The following MACROD2 variants were observed in gnomAD, a reference collection of about 807,000 sequenced individuals.
MACROD2 encodes the protein mono-ADP ribosylhydrolase 2.
Under a neutral mutation model 70.4 loss-of-function variants are expected in MACROD2, and 36 were observed. The ratio of observed to expected loss-of-function variants is 0.51; its 90% confidence interval spans 0.39 to 0.68. The LOEUF is 0.68. MACROD2 is among the 30% of genes least tolerant of loss of function. MACROD2 has a pLI of 0.00. For missense variants in MACROD2, 496 were observed against 538.4 expected, an observed-to-expected ratio of 0.92 and a Z score of 0.78; for synonymous variants, 172 against 178.8, an observed-to-expected ratio of 0.96 and a Z score of 0.30.
At chr20:14,550,613 C>T (rs573007264) in intron 4 of MACROD2, among the ~76,000 whole-genome samples, 5 of 152,274 alleles carry the variant, frequency 3.3e-5, no homozygotes, top group Admixed American at 6.5e-5. Flanking sequence ...ATTTCCCCCT[C>T]CTACTAAATA....
At chr20:14,352,873 T>G (rs776311471) in intron 3 of MACROD2, among the ~76,000 whole-genome samples, 3 of 152,132 alleles carry the variant, frequency 2.0e-5, no homozygotes, top group Non-Finnish European at 2.9e-5. Flanking sequence ...ATTTGAATAT[T>G]TTTGCTTTAG....
chr20:14,321,066 C>T (rs1026845028), intron 3 of MACROD2, among the ~76,000 whole-genome samples: 2 of 151,980 alleles, frequency 1.3e-5, no homozygotes, highest in African/African-American at 4.8e-5. Context: ...CCATCTGCTA[C>T]TTATAAAAAA....
At chr20:15,338,528 G>A (rs527817068) in intron 6 of MACROD2, among the ~76,000 whole-genome samples, 1 of 151,574 alleles carries the variant, frequency 6.6e-6, no homozygotes, top group Non-Finnish European at 1.5e-5. Flanking sequence ...ACCTAAAACA[G>A]GATGCTAAGA....
At chr20:14,323,444 C>T (rs1451674180) in intron 3 of MACROD2, 2 of 152,182 alleles carry the variant, frequency 1.3e-5, no homozygotes, top group Non-Finnish European at 2.9e-5. Context: ...GTTCAGCAAT[C>T]TGGAAGCTCT....
At chr20:15,307,401 A>C (rs886320393) in intron 6 of MACROD2, among the ~76,000 whole-genome samples, 1 of 152,182 alleles carries the variant, frequency 6.6e-6, no homozygotes, top group African/African-American at 2.4e-5. Context: ...AAATAGTGCA[A>C]ATAATTCCCA....
At chr20:15,151,348 G>A (rs1400788749) in intron 5 of MACROD2, among the ~76,000 whole-genome samples, 1 of 152,034 alleles carries the variant, frequency 6.6e-6, no homozygotes, top group African/African-American at 2.4e-5. Flanking sequence ...CGGTTCAGGC[G>A]TTTGGAAGTT....
At chr20:15,128,327 A>T (rs2076081285) in intron 5 of MACROD2, among the ~76,000 whole-genome samples, 1 of 152,082 alleles carries the variant, frequency 6.6e-6, no homozygotes, top group East Asian at 1.9e-4. Context: ...TCAGTAGAAA[A>T]TGTGTCCCTT....
At chr20:15,459,318 A>G (rs2046776675) in intron 7 of MACROD2, among the ~76,000 whole-genome samples, 1 of 152,014 alleles carries the variant, frequency 6.6e-6, no homozygotes, top group Non-Finnish European at 1.5e-5. Context: ...TCCCCTTTAG[A>G]GTACTGAAGT....
At chr20:14,152,267 C>G (rs1284366745) in intron 3 of MACROD2, among the ~76,000 whole-genome samples, 2 of 152,084 alleles carry the variant, frequency 1.3e-5, no homozygotes, top group African/African-American at 4.8e-5. Context: ...TAAAAATCAA[C>G]TAAAATATCT....
chr20:15,594,861 G>C (rs2048726092), intron 8 of MACROD2, among the ~76,000 whole-genome samples: 1 of 152,118 alleles, frequency 6.6e-6, no homozygotes, highest in Admixed American at 6.5e-5. Flanking sequence ...CTCTACAGAT[G>C]ATAACAGGTA....
intron 3 of MACROD2, among the ~76,000 whole-genome samples, chr20:14,092,565 A>G (rs1486259811): frequency 6.6e-6 from 1 of 152,218 alleles, no homozygotes; most frequent in African/African-American, 2.4e-5. Context: ...AACCTAAATT[A>G]TCTTTTTCTA....
chr20:14,135,397 A>G (rs1431788007), intron 3 of MACROD2, among the ~76,000 whole-genome samples: 1 of 152,190 alleles, frequency 6.6e-6, no homozygotes, highest in Admixed American at 6.5e-5. Flanking sequence ...AAAATTAAAA[A>G]CCAGCCAGAT....
Position 14,720,536 on chromosome 20 carries a change from C to CTTTTTTTTTTTT in MACROD2, c.418+35600_418+35611dup, listed in dbSNP as rs753673265. Among the ~76,000 whole-genome samples, 147 of 35,946 alleles carry CTTTTTTTTTTTT rather than the reference C, an allele frequency of 4.1e-3. 36 individuals are homozygous for CTTTTTTTTTTTT. The highest frequency in any genetic ancestry group is 5.2e-3 in the Admixed American group (10 of 1,940). 23.6% of individuals were successfully genotyped at this position (35,946 alleles called of 152,430 possible). On this transcript the variant is annotated intron_variant, in intron 5 of 17. Coordinates refer to ENST00000684519, the MANE Select transcript of MACROD2 (RefSeq NM_001351661.2). ...GTTTCATTTCCCAGCTGCCCCACAA[C>CTTTTTTTTTTTT]TTTTTTTTTTTTTTTTTTTTTTTTT... is the stretch of plus-strand genomic sequence containing the variant.
At chr20:15,604,689 T>A (rs2048869046) in intron 8 of MACROD2, among the ~76,000 whole-genome samples, 1 of 152,202 alleles carries the variant, frequency 6.6e-6, no homozygotes, top group Non-Finnish European at 1.5e-5. Context: ...CACCAACATA[T>A]GAGAACATTC....
chr20:15,730,067 A>G (rs928239823), intron 8 of MACROD2, among the ~76,000 whole-genome samples: 1 of 152,008 alleles, frequency 6.6e-6, no homozygotes, highest in Non-Finnish European at 1.5e-5. Context: ...ACCTCAGGTG[A>G]TCCACCTGCC....
rs1008521148 is a variant in MACROD2 at position 15,579,288 on chromosome 20, A to T, written c.645+79441A>T. ...CCATACCCAGTAGCAAGCTCTGCTT[A>T]TCAAATTGTCCCAAAGAGTAATTCT... On this transcript the variant is annotated intron_variant, in intron 8 of 17. Transcript: ENST00000684519. Among the ~76,000 whole-genome samples the T allele has an allele frequency of 6.0e-5, 9 of 151,088 alleles. No homozygotes were observed. In the South Asian group the frequency reaches 1.5e-3, roughly 24 times the overall value.
At chr20:15,825,801 T>G (rs939598821) in intron 8 of MACROD2, among the ~76,000 whole-genome samples, 1 of 152,204 alleles carries the variant, frequency 6.6e-6, no homozygotes, top group African/African-American at 2.4e-5. Context: ...GGAATATCCT[T>G]TCTTTTTGGC....
chr20:15,993,486 T>C (rs2066587206), intron 15 of MACROD2, among the ~76,000 whole-genome samples: 1 of 152,160 alleles, frequency 6.6e-6, no homozygotes, highest in Non-Finnish European at 1.5e-5. Context: ...AGCAATAGAC[T>C]ACACCATATA....
intron 7 of MACROD2, among the ~76,000 whole-genome samples, chr20:15,466,775 G>A (rs1436907364): frequency 6.6e-6 from 1 of 152,158 alleles, no homozygotes; most frequent in East Asian, 1.9e-4. Flanking sequence ...TCTGTAAGCA[G>A]CCCTCCAAAA....
Sources: gnomAD v4.1 joint callset for allele counts (sites outside exome capture counted in the v4.1 genomes callset) on GRCh38, gnomAD v4.1.1 for gene constraint, MANE v1.5 for transcripts, NCBI Gene and HGNC (gene_info 2026-07-23, HGNC 2026-07-21) for gene names.